Variants in FRMD4B observed in about 807,000 individuals in gnomAD.
FRMD4B encodes the protein FERM domain-containing protein 4B.
A neutral mutation model predicts 141.5 loss-of-function variants in FRMD4B; 74 were observed. The ratio of observed to expected loss-of-function variants is 0.52; its 90% CI spans 0.43 to 0.63. FRMD4B has a LOEUF of 0.63. Among genes scored for constraint, FRMD4B ranks in the 30% least tolerant of loss-of-function variants. The pLI is 0.00. For missense variants in FRMD4B, 1,366 were observed against 1,253.4 expected, an observed-to-expected ratio of 1.09 and a Z score of -1.36; for synonymous variants, 506 against 467.9, an observed-to-expected ratio of 1.08 and a Z score of -1.05.
At chr3:69,423,890 C>T (rs747408397) in intron 2 of FRMD4B, among the ~76,000 whole-genome samples, 10 of 152,100 alleles carry the variant, frequency 6.6e-5, no homozygotes, top group Non-Finnish European at 1.0e-4. Context: ...GGTGAATTTC[C>T]CAGGCTCCAG....
intron 1 of FRMD4B, among the ~76,000 whole-genome samples, chr3:69,450,766 CAACAACAACAAAACCCCAACAACAA>C (rs148384117): frequency 0.34 from 50,997 of 151,818 alleles, 8,716 homozygotes; most frequent in African/African-American, 0.39. Context: ...AAAACAACAA[CAACAACAACAAAACCCCAACAACAA>C]AACAACAACA....
At chr3:69,445,924 A>T (rs1157141619) in intron 1 of FRMD4B, among the ~76,000 whole-genome samples, 2 of 152,186 alleles carry the variant, frequency 1.3e-5, no homozygotes, top group African/African-American at 4.8e-5. Flanking sequence ...AAGAGGAGGG[A>T]GATATTGCTT....
At chr3:69,459,959 A>C (rs1705685190) in intron 1 of FRMD4B, among the ~76,000 whole-genome samples, 1 of 152,244 alleles carries the variant, frequency 6.6e-6, no homozygotes, top group African/African-American at 2.4e-5. Flanking sequence ...TATAGGATAC[A>C]TGAAAAGACA....
At chr3:69,343,584 T>G (rs1035279794) in intron 1 of FRMD4B, among the ~76,000 whole-genome samples, 3 of 148,126 alleles carry the variant, frequency 2.0e-5, no homozygotes, top group African/African-American at 7.4e-5. Flanking sequence ...TTTGTTTTTT[T>G]TTTTTTTTTT....
At chr3:69,314,604 C>T (rs1701744265) in intron 1 of FRMD4B, among the ~76,000 whole-genome samples, 1 of 148,036 alleles carries the variant, frequency 6.8e-6, no homozygotes, top group Non-Finnish European at 1.5e-5. Flanking sequence ...GGGGGCCAAT[C>T]AGGGTAGATC....
chr3:69,361,446 A>G (rs1703467591), intron 1 of FRMD4B, among the ~76,000 whole-genome samples: 1 of 152,188 alleles, frequency 6.6e-6, no homozygotes, highest in Non-Finnish European at 1.5e-5. Flanking sequence ...TATTACAGCC[A>G]TGTTATCCAC....
intron 2 of FRMD4B, among the ~76,000 whole-genome samples, chr3:69,395,355 G>C (rs1704456373): frequency 6.6e-6 from 1 of 152,046 alleles, no homozygotes; most frequent in Admixed American, 6.6e-5. Flanking sequence ...ACTCTCCAAA[G>C]ATCAACCATA....
At chr3:69,366,697 A>G (rs886308983) in intron 1 of FRMD4B, among the ~76,000 whole-genome samples, 2 of 147,978 alleles carry the variant, frequency 1.4e-5, no homozygotes, top group Admixed American at 6.7e-5. Context: ...TAGTTCTTAA[A>G]AGAGCACAAA....
intron 10 of FRMD4B, among the ~76,000 whole-genome samples, chr3:69,217,589 T>C (rs2093154316): frequency 6.6e-6 from 1 of 152,144 alleles, no homozygotes; most frequent in Non-Finnish European, 1.5e-5. Flanking sequence ...GCCACTGCAC[T>C]CCAGACTGGG....
chr3:69,188,078 T>G (rs1166164529), intron 18 of FRMD4B, among the ~76,000 whole-genome samples, 161 bp from the exon 19 acceptor site: 1 of 152,220 alleles, frequency 6.6e-6, no homozygotes, highest in Admixed American at 6.5e-5. Context: ...AAGAAGTTAA[T>G]TTTTATATTT....
intron 1 of FRMD4B, among the ~76,000 whole-genome samples, chr3:69,351,966 C>G (rs1169908405): frequency 1.3e-5 from 2 of 152,214 alleles, no homozygotes; most frequent in Non-Finnish European, 2.9e-5. Context: ...TGGGAATTCT[C>G]TCCATGGGTG....
chr3:69,344,966 C>G (rs147544904), intron 1 of FRMD4B, among the ~76,000 whole-genome samples: 1 of 152,082 alleles, frequency 6.6e-6, no homozygotes, highest in African/African-American at 2.4e-5. Flanking sequence ...GTTCATCTCA[C>G]TGGGGCTTGT....
intron 3 of FRMD4B, among the ~76,000 whole-genome samples, chr3:69,303,222 G>A (rs1376641382): frequency 1.4e-5 from 1 of 72,906 alleles, no homozygotes; most frequent in African/African-American, 3.2e-5. Context: ...GGAAACTGAC[G>A]CAGGATGATC....
At chr3:69,287,274 C>T (rs758830638) in intron 5 of FRMD4B, among the ~76,000 whole-genome samples, 6 of 152,204 alleles carry the variant, frequency 3.9e-5, no homozygotes, top group South Asian at 2.1e-4. Context: ...AACTGAGATA[C>T]TGCTTGAAAA....
intron 1 of FRMD4B, among the ~76,000 whole-genome samples, chr3:69,480,709 C>T (rs971092923): frequency 7.3e-5 from 11 of 151,600 alleles, no homozygotes; most frequent in Non-Finnish European, 1.2e-4. Flanking sequence ...TCTCCAGCTG[C>T]GTGCTGGGAG....
At chr3:69,507,940 C>T (rs1432965343) in intron 1 of FRMD4B, among the ~76,000 whole-genome samples, 1 of 151,914 alleles carries the variant, frequency 6.6e-6, no homozygotes, top group African/African-American at 2.4e-5. Flanking sequence ...TATGCATGTT[C>T]CTACGCAAGG....
rs763168492 is a variant in FRMD4B, at chr3:69,181,458, C to T, written c.2292G>A (p.Arg764=). The stretch of plus-strand genomic sequence containing the variant: ...TAGAAACATTCTGTTTCTTTGACCT[C>T]CTCCGACCCCTGGTGCGAGTGTCCA... ...QTLDTRTRGR[R]RSKKQNVSTS... Residue 764 remains arginine (R), a synonymous_variant, in exon 21 of 23, where the codon AGG becomes AGA. Transcript: ENST00000398540. 6.2e-7 allele frequency: 1 copy of T among 1,613,944 alleles called. No homozygotes were observed. The highest frequency in any genetic ancestry group is 8.5e-7 in the Non-Finnish European group (1 of 1,179,868).
chr3:69,245,442 G>A (rs1317261682), intron 7 of FRMD4B, among the ~76,000 whole-genome samples: 1 of 151,634 alleles, frequency 6.6e-6, no homozygotes, highest in Non-Finnish European at 1.5e-5. Context: ...CCACCTCCAG[G>A]TTCAAGCGAT....
intron 1 of FRMD4B, among the ~76,000 whole-genome samples, chr3:69,335,797 A>T (rs1227017635): frequency 1.4e-5 from 2 of 145,434 alleles, no homozygotes; most frequent in African/African-American, 5.2e-5. Context: ...ATCTCAGCTC[A>T]CTTCAGTCTC....
Sources: allele counts gnomAD v4.1 joint callset (sites outside exome capture counted in the v4.1 genomes callset), GRCh38; gene constraint gnomAD v4.1.1; transcripts MANE v1.5; gene names NCBI Gene and HGNC (gene_info 2026-07-23, HGNC 2026-07-21).